CNKSR2: variants seen among roughly 807,000 people sequenced by gnomAD.
CNKSR2 encodes the protein connector enhancer of kinase suppressor of Ras 2, also known as CNK homolog protein 2.
A neutral mutation model predicts 84.4 loss-of-function variants in CNKSR2; 14 were observed. That is an observed-to-expected ratio of 0.17 (90% confidence interval 0.11 to 0.26). CNKSR2 has a LOEUF of 0.26. Ranked by LOEUF, CNKSR2 falls within the 10% of genes least tolerant of loss-of-function variation. CNKSR2 has a pLI of 1.00. For missense variants in CNKSR2, 485 were observed against 771.2 expected (o/e 0.63, Z 4.40); for synonymous variants, 275 against 277.9 (o/e 0.99, Z 0.10).
intron 8 of CNKSR2, chrX:21,503,516 T>C (rs2147070263): frequency 3.9e-6 from 1 of 253,429 alleles, no homozygotes; most frequent in Admixed American, 6.7e-5. Flanking sequence ...AGAATAATTA[T>C]TCAGCTCACC....
At chrX:21,514,402 C>T (rs1230752546) in intron 8 of CNKSR2, among the ~76,000 whole-genome samples, 2 of 111,581 alleles carry the variant, frequency 1.8e-5, no homozygotes, top group African/African-American at 6.5e-5. Flanking sequence ...AATTTTCTGC[C>T]ATTAAATAAC....
chrX:21,589,373 A>G (rs1053359502), intron 13 of CNKSR2, among the ~76,000 whole-genome samples: 2 of 112,245 alleles, frequency 1.8e-5, no homozygotes, highest in African/African-American at 6.5e-5. Flanking sequence ...CAAAACATGA[A>G]TTTATTGTGA....
chrX:21,590,630 G>A lies in CNKSR2; in HGVS notation c.1657+10G>A. 2 of 1,202,541 alleles carry A rather than the reference G, an allele frequency of 1.7e-6. No individual in the cohort carries two copies. Among genetic ancestry groups the A allele is most frequent in the Non-Finnish European group, 2.3e-6 (2 of 888,417 alleles). ...AAGAAGAAAAACAAAGGTAAGAAAA[G>A]GAAATGAAACCTTTACCTGCTTATT... On this transcript the variant is annotated intron_variant, in intron 14 of 21. Coordinates refer to ENST00000379510, the MANE Select transcript of CNKSR2 (RefSeq NM_014927.5).
chrX:21,537,792 T>G (rs766930769), intron 11 of CNKSR2: 28 of 109,526 alleles, frequency 2.6e-4, no homozygotes, highest in African/African-American at 8.9e-4. Context: ...TCTTGTTTTT[T>G]TTTTTTTTTT....
chrX:21,527,632 A>G (rs1001976911), intron 10 of CNKSR2, among the ~76,000 whole-genome samples: 1 of 110,911 alleles, frequency 9.0e-6, no homozygotes, highest in African/African-American at 3.3e-5. Flanking sequence ...AAATCCTTGC[A>G]GATGTGGAAG....
chrX:21,430,946 G>A (rs1467155652), intron 2 of CNKSR2, among the ~76,000 whole-genome samples: 1 of 112,035 alleles, frequency 8.9e-6, no homozygotes, highest in Non-Finnish European at 1.9e-5. Flanking sequence ...ATTAAGCAGT[G>A]AATATTTAAC....
intron 13 of CNKSR2, among the ~76,000 whole-genome samples, chrX:21,566,263 G>C (rs147073085): frequency 0.05 from 5,629 of 112,090 alleles, 135 homozygotes; most frequent in African/African-American, 0.086. Context: ...TATTTAGCTT[G>C]ATCTATTGCT....
rs1421755911 is a variant in CNKSR2 at position 21,652,042 on chromosome X, C to T, written c.2890-264C>T. Reference sequence around the variant, plus strand: ...GAAATGAGAGGCTTTTGAACTGGATCTTAAAGAACGAAAAAGGTTTCCATA... The same window carrying T: ...GAAATGAGAGGCTTTTGAACTGGATTTTAAAGAACGAAAAAGGTTTCCATA... On this transcript the variant is annotated intron_variant, in intron 21 of 21. Coordinates refer to ENST00000379510, the MANE Select transcript of CNKSR2 (RefSeq NM_014927.5). Among the ~76,000 whole-genome samples the T allele has an allele frequency of 2.7e-5, 3 of 111,665 alleles. No homozygotes were observed. The East Asian group carries it at 8.5e-4, about 32-fold the overall frequency.
At chrX:21,514,351 T>C (rs2091705386) in intron 8 of CNKSR2, among the ~76,000 whole-genome samples, 1 of 111,928 alleles carries the variant, frequency 8.9e-6, no homozygotes, top group African/African-American at 3.2e-5. Context: ...GTCATGTGAA[T>C]AATAAAAGGC....
At chrX:21,568,010 G>A (rs765327542) in intron 13 of CNKSR2, among the ~76,000 whole-genome samples, 2 of 111,898 alleles carry the variant, frequency 1.8e-5, no homozygotes, top group East Asian at 2.8e-4. Flanking sequence ...TACTTAGGCC[G>A]AGCACGGTGG....
chrX:21,602,827 G>A (rs1218448400), intron 18 of CNKSR2, among the ~76,000 whole-genome samples: 2 of 112,304 alleles, frequency 1.8e-5, no homozygotes, highest in South Asian at 3.7e-4. Flanking sequence ...CTCTAAAAGT[G>A]TTTATAGATT....
intron 4 of CNKSR2, among the ~76,000 whole-genome samples, chrX:21,447,603 C>G (rs752656487): frequency 9.0e-6 from 1 of 110,861 alleles, no homozygotes; most frequent in Admixed American, 9.6e-5. Flanking sequence ...GAGGAGAGTC[C>G]CTGATATGCT....
chrX:21,595,428 G>A (rs1217455550), intron 17 of CNKSR2, 33 bp downstream of exon 17: 1 of 867,301 alleles, frequency 1.2e-6, no homozygotes, highest in East Asian at 3.2e-5. Flanking sequence ...GAAGGTCAGT[G>A]AGGCCTAGAA....
At chrX:21,488,780 G>A (rs191204634) in intron 5 of CNKSR2, among the ~76,000 whole-genome samples, 33 of 111,246 alleles carry the variant, frequency 3.0e-4, no homozygotes, top group Admixed American at 3.0e-3. Context: ...ACTAAGCCAA[G>A]GGAAAAGTCA....
At chrX:21,512,754 TTTTTG>T (rs370460056) in intron 8 of CNKSR2, among the ~76,000 whole-genome samples, 4 of 110,406 alleles carry the variant, frequency 3.6e-5, no homozygotes, top group Non-Finnish European at 3.8e-5. Context: ...TAGGGAGGTT[TTTTTG>T]TTTTGTTTTG....
chrX:21,532,445 A>G (rs1381828281), intron 11 of CNKSR2, among the ~76,000 whole-genome samples: 1 of 110,846 alleles, frequency 9.0e-6, no homozygotes, highest in African/African-American at 3.3e-5. Context: ...TTAAAATAAA[A>G]TTATCTCCAT....
chrX:21,449,236 G>A (rs1486739866), intron 4 of CNKSR2, among the ~76,000 whole-genome samples: 4 of 102,840 alleles, frequency 3.9e-5, no homozygotes, highest in African/African-American at 1.1e-4. Context: ...CCCAGGAGGC[G>A]GAGGTTGCAG....
intron 18 of CNKSR2, among the ~76,000 whole-genome samples, chrX:21,606,098 T>C (rs1460515616): frequency 8.9e-6 from 1 of 112,104 alleles, no homozygotes; most frequent in Non-Finnish European, 1.9e-5. Context: ...GCCAAGTCAC[T>C]TTGTCTAGCT....
intron 11 of CNKSR2, among the ~76,000 whole-genome samples, chrX:21,545,775 G>A (rs766969739): frequency 1.3e-4 from 15 of 111,846 alleles, no homozygotes; most frequent in Non-Finnish European, 2.6e-4. Context: ...TGATACCCAG[G>A]CAAACAGGGT....
Sources: allele counts gnomAD v4.1 joint callset (sites outside exome capture counted in the v4.1 genomes callset), GRCh38; gene constraint gnomAD v4.1.1; transcripts MANE v1.5; gene names NCBI Gene and HGNC (gene_info 2026-07-23, HGNC 2026-07-21).